Variants in CDYL observed in about 807,000 individuals in gnomAD.
CDYL encodes the protein chromodomain Y-like protein.
Under a neutral mutation model 47.3 loss-of-function variants are expected in CDYL, and 8 were observed. The observed-to-expected ratio is 0.17, with a 90% CI of 0.10 to 0.31. The LOEUF is 0.31. CDYL is among the 10% of genes least tolerant of loss of function. The probability of loss-of-function intolerance (pLI) is 1.00; values close to 1 mark genes in which losing one functional copy is unlikely to be tolerated. For synonymous variants in CDYL, 266 were observed against 265.0 expected (o/e 1.00, Z -0.04); for missense variants, 471 against 701.4 (o/e 0.67, Z 3.71).
intron 1 of CDYL, among the ~76,000 whole-genome samples, chr6:4,814,803 G>A (rs1376143108): frequency 6.6e-6 from 1 of 152,164 alleles, no homozygotes; most frequent in Non-Finnish European, 1.5e-5. Context: ...AATTACAGGT[G>A]GGAGCCACCC....
At chr6:4,842,019 ATTAT>A (rs1412077831) in intron 1 of CDYL, among the ~76,000 whole-genome samples, 1 of 145,264 alleles carries the variant, frequency 6.9e-6, no homozygotes, top group African/African-American at 2.5e-5. Flanking sequence ...TTATATTTGT[ATTAT>A]TTGTAATATA....
At position 4,892,151 on chromosome 6, in the gene CDYL, G is replaced by A; in HGVS notation, c.463G>A (p.Val155Met). ...PKSPVKSRTA[V>M]DGFQSESPEK... The stretch of plus-strand genomic sequence containing the variant: ...AAGCCCCGTTAAGAGCAGGACCGCA[G>A]TGGACGGCTTTCAGAGCGAGAGCCC... The change falls in exon 2 of 7, where the codon GTG becomes ATG. Residue 155 changes from valine (V) to methionine (M), a missense_variant. Val to Met is a conservative substitution (Grantham distance 21, BLOSUM62 1). This residue lies in a region of CDYL where 311 missense variants were observed against 350.0 expected (regional missense o/e 0.89). Transcript: ENST00000397588. The A allele has an allele frequency of 1.2e-6, 2 of 1,614,240 alleles. No homozygotes were observed. The highest frequency in any genetic ancestry group is 1.7e-6 in the Non-Finnish European group (2 of 1,180,046).
chr6:4,828,617 G>T (rs78299815), intron 1 of CDYL, among the ~76,000 whole-genome samples: 4,036 of 150,776 alleles, frequency 0.027, 181 homozygotes, highest in African/African-American at 0.093. Context: ...GAGCTTATTC[G>T]GCTTGGAATT....
At chr6:4,762,751 T>G (rs1384724796) in intron 3 of CDYL, among the ~76,000 whole-genome samples, 1 of 146,892 alleles carries the variant, frequency 6.8e-6, no homozygotes, top group African/African-American at 2.5e-5. Context: ...CAGAATGTAG[T>G]AGAAAAACAA....
chr6:4,888,838 G>C (rs1160522963), intron 1 of CDYL, among the ~76,000 whole-genome samples: 2 of 152,062 alleles, frequency 1.3e-5, no homozygotes, highest in African/African-American at 4.8e-5. Context: ...AGACATTTTG[G>C]GGGGAGGTGG....
intron 2 of CDYL, among the ~76,000 whole-genome samples, chr6:4,934,346 A>C (rs865781158): frequency 6.6e-6 from 1 of 152,236 alleles, no homozygotes; most frequent in Non-Finnish European, 1.5e-5. Context: ...ATAATTAAAA[A>C]AAAACCTCTA....
At chr6:4,871,375 A>G (rs1453903763) in intron 1 of CDYL, among the ~76,000 whole-genome samples, 1 of 152,324 alleles carries the variant, frequency 6.6e-6, no homozygotes, top group East Asian at 1.9e-4. Context: ...AGGCTGCCCC[A>G]AAAAGTTTTG....
At chr6:4,798,788 G>T (rs892975713) in intron 1 of CDYL, among the ~76,000 whole-genome samples, 4 of 152,156 alleles carry the variant, frequency 2.6e-5, no homozygotes, top group African/African-American at 9.7e-5. Flanking sequence ...AGCTATTGGG[G>T]ACTAAGATTT....
chr6:4,841,527 T>C (rs1029005316), intron 1 of CDYL, among the ~76,000 whole-genome samples: 1 of 152,162 alleles, frequency 6.6e-6, no homozygotes, highest in Non-Finnish European at 1.5e-5. Flanking sequence ...GTTAGGCGTT[T>C]AAGCATATGA....
At chr6:4,770,058 C>A (rs756136807) in intron 3 of CDYL, among the ~76,000 whole-genome samples, 1 of 151,912 alleles carries the variant, frequency 6.6e-6, no homozygotes, top group East Asian at 1.9e-4. Flanking sequence ...GATATGGTCT[C>A]AATCTCTTGA....
intron 2 of CDYL, among the ~76,000 whole-genome samples, chr6:4,930,538 G>GTTA (rs1758002878): frequency 6.6e-6 from 1 of 152,016 alleles, no homozygotes; most frequent in South Asian, 2.1e-4. Context: ...ACATTGCCCT[G>GTTA]CACAGCCTGT....
intron 1 of CDYL, among the ~76,000 whole-genome samples, chr6:4,821,459 C>T (rs924900442): frequency 2.0e-5 from 3 of 151,746 alleles, no homozygotes; most frequent in Admixed American, 6.6e-5. Flanking sequence ...TGTGGCCCGG[C>T]GTGGTGGCTC....
rs139860110 is a variant in CDYL at position 4,740,301 on chromosome 6, C to T, written c.186+5457C>T. Among the ~76,000 whole-genome samples the T allele has an allele frequency of 1.7e-3, 258 of 152,206 alleles. 2 individuals carry two copies. The highest frequency in any genetic ancestry group is 0.014 in the Middle Eastern group (4 of 294). ...GTGAGCCTTGAGCCTCATGTCAAGC[C>T]GGTGCTTCTCAACCTGGGGACAATT... On this transcript the variant is annotated intron_variant, in intron 3 of 8. Transcript: ENST00000328908.
At chr6:4,914,760 T>C (rs1757509358) in intron 2 of CDYL, among the ~76,000 whole-genome samples, 1 of 152,190 alleles carries the variant, frequency 6.6e-6, no homozygotes. Context: ...GGTTGTGACA[T>C]GGTTTCTTAG....
chr6:4,729,982 A>G (rs1757576916), intron 2 of CDYL, among the ~76,000 whole-genome samples: 1 of 152,166 alleles, frequency 6.6e-6, no homozygotes, highest in Non-Finnish European at 1.5e-5. Flanking sequence ...AAGCTTTTCT[A>G]TTCTGAAAGG....
At chr6:4,872,397 T>C (rs1466770544) in intron 1 of CDYL, among the ~76,000 whole-genome samples, 1 of 151,960 alleles carries the variant, frequency 6.6e-6, no homozygotes, top group Non-Finnish European at 1.5e-5. Flanking sequence ...TGGTTTTGTT[T>C]TTGAGACGGT....
chr6:4,843,142 C>T (rs1760552076), intron 1 of CDYL, among the ~76,000 whole-genome samples: 1 of 152,156 alleles, frequency 6.6e-6, no homozygotes. Context: ...CCACCCCAAC[C>T]CCTAGTCCCT....
chr6:4,897,356 C>T (rs887212419), intron 2 of CDYL, among the ~76,000 whole-genome samples: 1 of 152,158 alleles, frequency 6.6e-6, no homozygotes, highest in Admixed American at 6.5e-5. Context: ...ATATTAATAC[C>T]TTAGCACACC....
chr6:4,776,846 CGCCGCCCCTCCCGG>C, intron 1 of CDYL, 39 bp downstream of exon 1: 1 of 789,106 alleles, frequency 1.3e-6, no homozygotes, highest in Non-Finnish European at 1.5e-6. Flanking sequence ...GCCCCCCGCC[CGCCGCCCCTCCCGG>C]CCCGGCCGCG....
Sources: gnomAD v4.1 joint callset for allele counts (sites outside exome capture counted in the v4.1 genomes callset) on GRCh38, gnomAD v4.1.1 for gene constraint, gnomAD v4.1.1 regional missense constraint, MANE v1.5 for transcripts, NCBI Gene and HGNC (gene_info 2026-07-23, HGNC 2026-07-21) for gene names.